The following CDH9 variants were observed in gnomAD, a reference collection of about 807,000 sequenced individuals.
The protein encoded by CDH9 is cadherin 9, also known as cadherin-9.
A neutral mutation model predicts 70.9 loss-of-function variants in CDH9; 28 were observed. The ratio of observed to expected loss-of-function variants is 0.40; its 90% confidence interval spans 0.29 to 0.54. CDH9 has a LOEUF of 0.54. Among genes scored for constraint, CDH9 ranks in the 20% least tolerant of loss-of-function variants. CDH9 has a pLI of 0.59. For synonymous variants in CDH9, 409 were observed against 343.1 expected, an observed-to-expected ratio of 1.19 and a Z score of -2.12; for missense variants, 874 against 984.4, an observed-to-expected ratio of 0.89 and a Z score of 1.50.
At chr5:26,918,130 C>G (rs1025004297) in intron 2 of CDH9, among the ~76,000 whole-genome samples, 2 of 152,162 alleles carry the variant, frequency 1.3e-5, no homozygotes, top group Non-Finnish European at 2.9e-5. Context: ...GCTATACATT[C>G]TATACATAGC....
intron 1 of CDH9, among the ~76,000 whole-genome samples, chr5:27,009,447 C>T (rs1341716808): frequency 6.6e-6 from 1 of 152,070 alleles, no homozygotes; most frequent in Non-Finnish European, 1.5e-5. Context: ...GGAATTTTGT[C>T]CTGTTGCCAG....
chr5:26,955,199 C>A (rs1000136289), intron 2 of CDH9, among the ~76,000 whole-genome samples: 2 of 152,084 alleles, frequency 1.3e-5, no homozygotes, highest in Non-Finnish European at 2.9e-5. Context: ...AATGTTTTAT[C>A]TCCTCTTCTT....
intron 1 of CDH9, among the ~76,000 whole-genome samples, chr5:27,014,947 G>T (rs1353809099): frequency 6.6e-6 from 1 of 151,830 alleles, no homozygotes; most frequent in Admixed American, 6.6e-5. Context: ...ATCTGGTTTT[G>T]TAGGATAAAT....
At chr5:26,928,080 C>A (rs10078183) in intron 2 of CDH9, among the ~76,000 whole-genome samples, 14,569 of 146,332 alleles carry the variant, frequency 0.1, 878 homozygotes, top group African/African-American at 0.18. Context: ...ATGATATAAT[C>A]TTCTATTTTG....
chr5:26,986,755 T>C (rs1439510083), intron 2 of CDH9, among the ~76,000 whole-genome samples: 5 of 152,160 alleles, frequency 3.3e-5, no homozygotes, highest in East Asian at 3.9e-4. Flanking sequence ...CTAGCTGAAC[T>C]TGAATTTCCT....
At chr5:27,030,234 C>G (rs572397085) in intron 1 of CDH9, among the ~76,000 whole-genome samples, 1 of 151,920 alleles carries the variant, frequency 6.6e-6, no homozygotes, top group Non-Finnish European at 1.5e-5. Flanking sequence ...GTTCATTTCC[C>G]GTAGTAGGGA....
chr5:26,906,123 A>G lies in CDH9; in HGVS notation c.647T>C (p.Ile216Thr). The G allele has an allele frequency of 6.2e-7, 1 of 1,608,970 alleles. No homozygotes were observed. Among genetic ancestry groups the G allele is most frequent in the East Asian group, 2.2e-5 (1 of 44,830 alleles). ...PYFSVDPESG[I>T]IKTALPDMSR... ...CATGTCTGGTAATGCAGTTTTTATT[A>G]TGCCTTTTGGAAAAAGCAGACAAAA... is the stretch of plus-strand genomic sequence containing the variant. The change falls in exon 5 of 12, where the codon ATA becomes ACA. Residue 216 changes from isoleucine to threonine, a missense_variant. Ile to Thr is a moderately conservative substitution (Grantham distance 89). Transcript: ENST00000231021.
chr5:26,933,568 G>C (rs1384508323), intron 2 of CDH9, among the ~76,000 whole-genome samples: 1 of 151,808 alleles, frequency 6.6e-6, no homozygotes, highest in Non-Finnish European at 1.5e-5. Context: ...CAAGTCAAGA[G>C]ATCGAGACCA....
At chr5:26,963,897 G>T (rs1276767201) in intron 2 of CDH9, among the ~76,000 whole-genome samples, 2 of 152,034 alleles carry the variant, frequency 1.3e-5, no homozygotes, top group Admixed American at 1.3e-4. Flanking sequence ...AGTTTGAAAA[G>T]CTTTCACAAG....
At chr5:26,919,462 G>A (rs1413161672) in intron 2 of CDH9, among the ~76,000 whole-genome samples, 1 of 152,074 alleles carries the variant, frequency 6.6e-6, no homozygotes, top group African/African-American at 2.4e-5. Flanking sequence ...AGGGTTCTGG[G>A]GCCTAAAATA....
At chr5:26,935,479 T>C (rs1380074943) in intron 2 of CDH9, among the ~76,000 whole-genome samples, 2 of 152,260 alleles carry the variant, frequency 1.3e-5, no homozygotes, top group Non-Finnish European at 2.9e-5. Context: ...ATTGTTCCTG[T>C]ACAAAATCTC....
At chr5:26,921,458 AG>A (rs1741242261) in intron 2 of CDH9, among the ~76,000 whole-genome samples, 1 of 152,188 alleles carries the variant, frequency 6.6e-6, no homozygotes, top group South Asian at 2.1e-4. Flanking sequence ...ATGCACACCA[AG>A]TAATAGTCAC....
intron 7 of CDH9, among the ~76,000 whole-genome samples, chr5:26,897,244 T>C (rs745313723): frequency 6.6e-6 from 1 of 151,732 alleles, no homozygotes; most frequent in Non-Finnish European, 1.5e-5. Context: ...CAGAGATACA[T>C]AGAGGAGCTG....
intron 2 of CDH9, among the ~76,000 whole-genome samples, chr5:26,948,920 T>G (rs898720271): frequency 1.3e-5 from 2 of 152,154 alleles, no homozygotes; most frequent in East Asian, 3.9e-4. Flanking sequence ...AATGATGGGG[T>G]GGGAGAACGC....
In CDH9 at chr5:26,890,770, G is replaced by A. The variant is rs1236940146; in HGVS notation, c.1254-206C>T. The A allele has an allele frequency of 2.4e-5, 12 of 496,230 alleles. No homozygotes were observed. The East Asian group carries it at 2.9e-4, about 12-fold the overall frequency. 30.7% of individuals were successfully genotyped at this position (496,230 alleles called of 1,614,324 possible). A position where few individuals can be genotyped will look rare whatever the true frequency, so the allele number is the denominator to read the frequency against. On this transcript the variant is annotated intron_variant, in intron 7 of 11. Coordinates refer to ENST00000231021, the MANE Select transcript of CDH9 (RefSeq NM_016279.4). ...CTTTCTACTTACTATATTATCCTAT[G>A]TGTACTTTAGAACTGTTATTTATAC... is the stretch of plus-strand genomic sequence containing the variant.
intron 5 of CDH9, among the ~76,000 whole-genome samples, chr5:26,904,418 CA>C (rs1740911265): frequency 6.6e-6 from 1 of 151,458 alleles, no homozygotes; most frequent in Non-Finnish European, 1.5e-5. Context: ...ATTCAAGAGA[CA>C]ATAGAAAAAA....
chr5:27,025,494 A>G (rs1163539107), intron 1 of CDH9, among the ~76,000 whole-genome samples: 1 of 152,090 alleles, frequency 6.6e-6, no homozygotes, highest in African/African-American at 2.4e-5. Context: ...CATCAAAAGA[A>G]TAAGTCAATA....
At position 26,915,972 on chromosome 5, in the gene CDH9, T is replaced by C. The variant is rs747974300; in HGVS notation, c.229-48A>G. 3.1e-6 allele frequency: 4 copies of C among 1,296,194 alleles called. No homozygotes were observed. In the African/African-American group the frequency reaches 4.5e-5, roughly 15 times the overall value. The allele number at this position is 1,296,194 out of a possible 1,614,324, so 80.3% of individuals were successfully genotyped here. A position where few individuals can be genotyped will look rare whatever the true frequency, so the allele number is the denominator to read the frequency against. ...AGTTCTGTAAATATATACATTATCA[T>C]TACATAAAACATAATTTTGGCGCTA... On this transcript the variant is annotated intron_variant, in intron 2 of 11. Coordinates refer to ENST00000231021, the MANE Select transcript of CDH9 (RefSeq NM_016279.4).
At chr5:27,018,587 C>T (rs1743085764) in intron 1 of CDH9, among the ~76,000 whole-genome samples, 1 of 151,750 alleles carries the variant, frequency 6.6e-6, no homozygotes. Flanking sequence ...TGGAGACATC[C>T]AAATGCTCAT....
Sources: gnomAD v4.1 joint callset for allele counts (sites outside exome capture counted in the v4.1 genomes callset) on GRCh38, gnomAD v4.1.1 for gene constraint, MANE v1.5 for transcripts, NCBI Gene and HGNC (gene_info 2026-07-23, HGNC 2026-07-21) for gene names.